Variants in TNIP3 observed in about 807,000 individuals in gnomAD.
The protein encoded by TNIP3 is TNFAIP3-interacting protein 3.
In TNIP3, 34 loss-of-function variants were observed where a neutral mutation model predicts 54.1. The ratio of observed to expected loss-of-function variants is 0.63; its 90% CI spans 0.48 to 0.84. TNIP3 has a LOEUF of 0.84. Among genes scored for constraint, TNIP3 ranks in the 40% least tolerant of loss-of-function variants. The pLI, the probability that TNIP3 is intolerant of heterozygous loss-of-function variation, is 0.00. For synonymous variants in TNIP3, 134 were observed against 136.8 expected, an observed-to-expected ratio of 0.98 and a Z score of 0.14; for missense variants, 366 against 387.6, an observed-to-expected ratio of 0.94 and a Z score of 0.47.
At chr4:121,178,735 G>A (rs189616126) in intron 3 of TNIP3, among the ~76,000 whole-genome samples, 89 of 152,218 alleles carry the variant, frequency 5.8e-4, no homozygotes, top group African/African-American at 2.1e-3. Flanking sequence ...GGAATTATAG[G>A]GATAAATCGA....
chr4:121,132,918 T>C (rs1446142497), intron 10 of TNIP3, among the ~76,000 whole-genome samples: 1 of 152,132 alleles, frequency 6.6e-6, no homozygotes, highest in Non-Finnish European at 1.5e-5. Flanking sequence ...AGGAGGAATG[T>C]TCTATACTAA....
At position 121,132,327 on chromosome 4, in the gene TNIP3, C is replaced by A; in HGVS notation, c.*304G>T. ...CCTAAATCATAGAATCATTTTTGTG[C>A]ATCCAACAGCAATATGCTGAAGAGA... On this transcript the variant is annotated 3_prime_UTR_variant, in exon 11 of 11. Coordinates refer to ENST00000057513, the MANE Select transcript of TNIP3 (RefSeq NM_024873.6). 3.1e-6 allele frequency: 1 copy of A among 326,502 alleles called. No homozygotes were observed. The highest frequency in any genetic ancestry group is 5.5e-5 in the East Asian group (1 of 18,148). 20.2% of individuals were successfully genotyped at this position (326,502 alleles called of 1,614,324 possible).
At chr4:121,188,029 G>T (rs62321499) in intron 2 of TNIP3, among the ~76,000 whole-genome samples, 3,257 of 152,080 alleles carry the variant, frequency 0.021, 47 homozygotes, top group Non-Finnish European at 0.033. Context: ...ATTTAAGGGG[G>T]CCTCTTGACT....
chr4:121,136,156 C>T (rs1728770353), intron 10 of TNIP3, among the ~76,000 whole-genome samples: 1 of 152,220 alleles, frequency 6.6e-6, no homozygotes, highest in African/African-American at 2.4e-5. Context: ...ATATTTATTA[C>T]ACACTTAATC....
At chr4:121,135,127 A>G (rs763458927) in intron 10 of TNIP3, among the ~76,000 whole-genome samples, 9 of 152,202 alleles carry the variant, frequency 5.9e-5, no homozygotes, top group Non-Finnish European at 1.2e-4. Flanking sequence ...CTGTGCCACC[A>G]TGTCCTGTCA....
At chr4:121,137,945 C>T in intron 10 of TNIP3, 1 of 455,992 alleles carries the variant, frequency 2.2e-6, no homozygotes, top group Non-Finnish European at 4.4e-6. Context: ...GATTATAGCT[C>T]AGTTTATACA....
chr4:121,194,446 TAGC>T (rs1725459763), intron 2 of TNIP3, among the ~76,000 whole-genome samples: 2 of 152,210 alleles, frequency 1.3e-5, no homozygotes, highest in Non-Finnish European at 2.9e-5. Flanking sequence ...TTTCATTATG[TAGC>T]AGGAACTAAG....
In TNIP3 at chr4:121,158,667, G is replaced by T; in HGVS notation, c.213+20C>A. The T allele has an allele frequency of 6.3e-7, 1 of 1,582,022 alleles. No individual in the cohort carries two copies. Among genetic ancestry groups the T allele is most frequent in the South Asian group, 1.1e-5 (1 of 89,868 alleles). On this transcript the variant is annotated intron_variant, in intron 3 of 10. Transcript: ENST00000057513. ...GGATAATGGCTTTAAAGAAAATACCGAATAGAGAGAGGTATTTACCTTTCT... is the reference window on the plus strand; with the variant it reads ...GGATAATGGCTTTAAAGAAAATACCTAATAGAGAGAGGTATTTACCTTTCT...
Position 121,147,041 on chromosome 4 carries a change from AC to A in TNIP3, c.735+7del, listed in dbSNP as rs778345978. 3 of 1,607,602 alleles carry A rather than the reference AC, an allele frequency of 1.9e-6. No individual in the cohort carries two copies. The highest frequency in any genetic ancestry group is 1.7e-6 in the Non-Finnish European group (2 of 1,177,702). ...TGCTGGCAAAGATTATTTTGTTTTGACTTGTACCTGGGAATTCAGCCTGTTC... is the reference window on the plus strand; with the variant it reads ...TGCTGGCAAAGATTATTTTGTTTTGATTGTACCTGGGAATTCAGCCTGTTC... On this transcript the variant is annotated splice_region_variant and intron_variant, in intron 7 of 10. Coordinates refer to ENST00000057513, the MANE Select transcript of TNIP3 (RefSeq NM_024873.6).
intron 2 of TNIP3, among the ~76,000 whole-genome samples, chr4:121,183,222 G>A (rs773303349): frequency 1.3e-5 from 2 of 152,184 alleles, no homozygotes; most frequent in Non-Finnish European, 2.9e-5. Context: ...CTGAAACATC[G>A]GCAGGGCCAA....
chr4:121,140,866 A>G (rs965075685), intron 9 of TNIP3, among the ~76,000 whole-genome samples: 3 of 152,210 alleles, frequency 2.0e-5, no homozygotes, highest in African/African-American at 7.2e-5. Flanking sequence ...TACCAGGGTC[A>G]AATAAGAGAT....
chr4:121,192,207 A>T (rs1365161689), intron 2 of TNIP3, among the ~76,000 whole-genome samples: 1 of 152,306 alleles, frequency 6.6e-6, no homozygotes, highest in South Asian at 2.1e-4. Context: ...CCGCTGAAGC[A>T]GTTTGCCAAT....
chr4:121,180,381 C>A (rs992131699), intron 3 of TNIP3, among the ~76,000 whole-genome samples: 1 of 151,698 alleles, frequency 6.6e-6, no homozygotes, highest in Non-Finnish European at 1.5e-5. Flanking sequence ...GCCTGGGCGA[C>A]AGAGCGAGAC....
At chr4:121,198,109 C>A (rs1308332190) in intron 2 of TNIP3, among the ~76,000 whole-genome samples, 1 of 149,128 alleles carries the variant, frequency 6.7e-6, no homozygotes, top group Non-Finnish European at 1.5e-5. Context: ...AATATTTGTT[C>A]TTTCTTAAGG....
chr4:121,132,366 G>T lies in TNIP3; in HGVS notation c.*265C>A. On this transcript the variant is annotated 3_prime_UTR_variant, in exon 11 of 11. Coordinates refer to ENST00000057513, the MANE Select transcript of TNIP3 (RefSeq NM_024873.6). ...ATGCTGAAGAGATTTTCAGGGAGTCGTGCATCATCCATCTGCCAAGTCTCA... is the reference window on the plus strand; with the variant it reads ...ATGCTGAAGAGATTTTCAGGGAGTCTTGCATCATCCATCTGCCAAGTCTCA... 2.3e-6 allele frequency: 1 copy of T among 441,200 alleles called. No individual in the cohort carries two copies. The allele number at this position is 441,200 out of a possible 1,614,324, so 27.3% of individuals were successfully genotyped here.
At chr4:121,209,956 G>A (rs1726393661) in intron 2 of TNIP3, among the ~76,000 whole-genome samples, 1 of 152,078 alleles carries the variant, frequency 6.6e-6, no homozygotes, top group Admixed American at 6.5e-5. Context: ...GTGCTTCTAA[G>A]AAAAGAGAAA....
At chr4:121,148,818 C>T (rs1055507743) in intron 6 of TNIP3, among the ~76,000 whole-genome samples, 2 of 152,270 alleles carry the variant, frequency 1.3e-5, no homozygotes, top group East Asian at 1.9e-4. Context: ...TGTATTGCAA[C>T]AAAAATCTTT....
At chr4:121,180,605 G>C (rs1325633322) in intron 3 of TNIP3, among the ~76,000 whole-genome samples, 1 of 152,218 alleles carries the variant, frequency 6.6e-6, no homozygotes, top group African/African-American at 2.4e-5. Flanking sequence ...TGTTGTGTAA[G>C]AGTGAGTTCA....
intron 2 of TNIP3, among the ~76,000 whole-genome samples, chr4:121,215,664 T>A (rs190327674): frequency 4.6e-5 from 7 of 152,140 alleles, no homozygotes; most frequent in Non-Finnish European, 8.8e-5. Context: ...TTCGTGTATT[T>A]CTATCCCACT....
Sources: gnomAD v4.1 joint callset for allele counts (sites outside exome capture counted in the v4.1 genomes callset) on GRCh38, gnomAD v4.1.1 for gene constraint, MANE v1.5 for transcripts, NCBI Gene and HGNC (gene_info 2026-07-23, HGNC 2026-07-21) for gene names.